The following TLL1 variants were observed in gnomAD, a reference collection of about 807,000 sequenced individuals.
TLL1 encodes tolloid-like protein 1.
In TLL1, 49 loss-of-function variants were observed where a neutral mutation model predicts 128.2. That is an observed-to-expected ratio of 0.38 (90% CI 0.30 to 0.48). The LOEUF is 0.48. Among genes scored for constraint, TLL1 ranks in the 20% least tolerant of loss-of-function variants. The pLI, the probability that TLL1 is intolerant of heterozygous loss-of-function variation, is 0.96. For missense variants in TLL1, 1,123 were observed against 1,242.0 expected, an observed-to-expected ratio of 0.90 and a Z score of 1.44; for synonymous variants, 454 against 418.8, an observed-to-expected ratio of 1.08 and a Z score of -1.03.
intron 18 of TLL1, among the ~76,000 whole-genome samples, chr4:166,090,672 A>C (rs939848161): frequency 6.6e-6 from 1 of 152,064 alleles, no homozygotes; most frequent in Non-Finnish European, 1.5e-5. Context: ...GTTGCATTTA[A>C]GTTTTGTAAA....
At chr4:165,934,684 G>T (rs1049696202) in intron 1 of TLL1, among the ~76,000 whole-genome samples, 1 of 152,154 alleles carries the variant, frequency 6.6e-6, no homozygotes, top group African/African-American at 2.4e-5. Context: ...TAACACCTGG[G>T]TTGATTTGAT....
intron 18 of TLL1, among the ~76,000 whole-genome samples, chr4:166,080,591 C>G (rs1004426884): frequency 1.3e-5 from 2 of 151,866 alleles, no homozygotes; most frequent in Non-Finnish European, 2.9e-5. Flanking sequence ...CTTTTTGTGT[C>G]TCTTTTTTTA....
At position 166,070,786 on chromosome 4, in the gene TLL1, T is replaced by C. The variant is rs566419302; in HGVS notation, c.2189-4092T>C. On this transcript the variant is annotated intron_variant, in intron 16 of 20. Coordinates refer to ENST00000061240, the MANE Select transcript of TLL1 (RefSeq NM_012464.5). ...CACTGTGTCTCGATATTTGTAAGTG[T>C]CCTTCTTGTCCACTGTTTCTCTCAT... Among the ~76,000 whole-genome samples the C allele has an allele frequency of 5.9e-5, 9 of 152,026 alleles. No homozygotes were observed. The South Asian group carries it at 6.2e-4, about 10-fold the overall frequency.
At chr4:165,923,205 G>A (rs2110891693) in intron 1 of TLL1, among the ~76,000 whole-genome samples, 1 of 151,930 alleles carries the variant, frequency 6.6e-6, no homozygotes, top group South Asian at 2.1e-4. Flanking sequence ...AAAAATGATG[G>A]TGCTTTATAA....
At chr4:165,905,043 C>T (rs1367616171) in intron 1 of TLL1, among the ~76,000 whole-genome samples, 1 of 152,172 alleles carries the variant, frequency 6.6e-6, no homozygotes, top group Non-Finnish European at 1.5e-5. Flanking sequence ...TGGACCAGTA[C>T]CCCTCCAAAT....
Position 166,012,056 on chromosome 4 carries a change from CT to C in TLL1, c.918-2377del. The stretch of plus-strand genomic sequence containing the variant: ...AAGAACAGGAATGTATCTATAGGGT[CT>C]TTATATGAGTGACTATTTTGTAATA... On this transcript the variant is annotated intron_variant, in intron 7 of 20. Transcript: ENST00000061240. Among the ~76,000 whole-genome samples, 3 of 151,516 alleles carry C rather than the reference CT, an allele frequency of 2.0e-5. No individual in the cohort carries two copies. The South Asian group carries it at 6.2e-4, about 32-fold the overall frequency.
chr4:166,065,521 G>A (rs1279954303), intron 15 of TLL1, among the ~76,000 whole-genome samples, 162 bp from the exon 16 acceptor site: 1 of 152,022 alleles, frequency 6.6e-6, no homozygotes, highest in African/African-American at 2.4e-5. Flanking sequence ...TGGGATTACA[G>A]GCATGAGTCA....
At chr4:165,921,087 G>C (rs1043086943) in intron 1 of TLL1, among the ~76,000 whole-genome samples, 7 of 152,066 alleles carry the variant, frequency 4.6e-5, no homozygotes, top group Admixed American at 1.3e-4. Flanking sequence ...TTTTACTACA[G>C]TGTCATTTAT....
intron 9 of TLL1, among the ~76,000 whole-genome samples, chr4:166,038,993 A>G (rs1193670163): frequency 6.6e-6 from 1 of 152,162 alleles, no homozygotes; most frequent in East Asian, 1.9e-4. Flanking sequence ...AGCCATGTTT[A>G]TCTTGGGAAA....
intron 1 of TLL1, among the ~76,000 whole-genome samples, chr4:165,981,342 A>G (rs1736141964): frequency 6.6e-6 from 1 of 152,104 alleles, no homozygotes; most frequent in South Asian, 2.1e-4. Flanking sequence ...TCCAAAGATT[A>G]CAAAAGGATT....
intron 1 of TLL1, among the ~76,000 whole-genome samples, chr4:165,953,627 C>CATAT (rs55874624): frequency 6.1e-5 from 9 of 146,600 alleles, no homozygotes; most frequent in South Asian, 4.3e-4. Context: ...TTTGCTCTGT[C>CATAT]ATATATATAT....
intron 19 of TLL1, among the ~76,000 whole-genome samples, chr4:166,092,001 C>T (rs1176306557): frequency 4.6e-5 from 7 of 151,396 alleles, no homozygotes. Flanking sequence ...GTTATATGTT[C>T]CATAAAATAT....
chr4:165,913,610 A>AT (rs1168963037), intron 1 of TLL1, among the ~76,000 whole-genome samples: 8 of 152,294 alleles, frequency 5.3e-5, no homozygotes, highest in African/African-American at 1.4e-4. Flanking sequence ...CTGTTATACA[A>AT]TTTAACAGCT....
chr4:165,918,711 C>T (rs1213651397), intron 1 of TLL1, among the ~76,000 whole-genome samples: 1 of 152,148 alleles, frequency 6.6e-6, no homozygotes, highest in Non-Finnish European at 1.5e-5. Context: ...ACGATGCTAT[C>T]ATTTTCATTT....
intron 6 of TLL1, among the ~76,000 whole-genome samples, chr4:166,006,368 T>A (rs568633967): frequency 6.6e-6 from 1 of 151,828 alleles, no homozygotes. Context: ...CTAACAAAAA[T>A]TGTTGTGTCA....
chr4:166,043,805 A>C (rs912205493), intron 12 of TLL1, among the ~76,000 whole-genome samples: 8 of 127,282 alleles, frequency 6.3e-5, no homozygotes, highest in Non-Finnish European at 1.2e-4. Context: ...GGAACAAAAC[A>C]TTTTTCACCT....
chr4:165,880,171 G>T lies in TLL1; in HGVS notation c.169+6098G>T, dbSNP rs561598003. Reference sequence around the variant, plus strand: ...TCCCTTGCTTATTTATTTCATTCTTGTCATTGTGAGCCCTAAAAATGGAAT... The same window carrying T: ...TCCCTTGCTTATTTATTTCATTCTTTTCATTGTGAGCCCTAAAAATGGAAT... On this transcript the variant is annotated intron_variant, in intron 1 of 20. Transcript: ENST00000061240. Among the ~76,000 whole-genome samples the T allele has an allele frequency of 4.6e-5, 7 of 152,198 alleles. No individual in the cohort carries two copies. In the East Asian group the frequency reaches 1.2e-3, roughly 25 times the overall value.
At position 166,032,217 on chromosome 4, in the gene TLL1, A is replaced by T. The variant is rs547021692; in HGVS notation, c.1158+6786A>T. Among the ~76,000 whole-genome samples the T allele has an allele frequency of 1.1e-3, 160 of 152,262 alleles. 2 individuals carry two copies. The highest frequency in any genetic ancestry group is 3.5e-3 in the African/African-American group (144 of 41,584). On this transcript the variant is annotated intron_variant, in intron 9 of 20. Transcript: ENST00000061240. The stretch of plus-strand genomic sequence containing the variant: ...AGAAACTTTACTGTGGGACTAAAAT[A>T]AGCAGAATAACATGTCATGAACCGA...
intron 1 of TLL1, among the ~76,000 whole-genome samples, chr4:165,960,359 T>C (rs1735035797): frequency 6.6e-6 from 1 of 152,064 alleles, no homozygotes; most frequent in South Asian, 2.1e-4. Context: ...CTAGAATAGA[T>C]GTATTTACAG....
Sources: gnomAD v4.1 joint callset for allele counts (sites outside exome capture counted in the v4.1 genomes callset) on GRCh38, gnomAD v4.1.1 for gene constraint, MANE v1.5 for transcripts, NCBI Gene and HGNC (gene_info 2026-07-23, HGNC 2026-07-21) for gene names.